Variants in GALNT13 observed in about 807,000 individuals in gnomAD.
GALNT13 encodes polypeptide N-acetylgalactosaminyltransferase 13.
In GALNT13, 28 loss-of-function variants were observed where a neutral mutation model predicts 64.2. The ratio of observed to expected loss-of-function variants is 0.44; its 90% CI spans 0.32 to 0.60. The LOEUF (loss-of-function observed/expected upper bound fraction) is 0.60, where lower values mean the gene tolerates loss of function less well. Ranked by LOEUF, GALNT13 falls within the 20% of genes least tolerant of loss-of-function variation. The pLI, the probability that GALNT13 is intolerant of heterozygous loss-of-function variation, is 0.05. For missense variants in GALNT13, 577 were observed against 669.8 expected (o/e 0.86, Z 1.53); for synonymous variants, 214 against 224.6 (o/e 0.95, Z 0.42).
At chr2:154,139,149 T>A (rs1201343913) in intron 3 of GALNT13, among the ~76,000 whole-genome samples, 3 of 152,074 alleles carry the variant, frequency 2.0e-5, no homozygotes, top group Non-Finnish European at 4.4e-5. Context: ...CATTACAAAG[T>A]CATCAACTGG....
intron 3 of GALNT13, among the ~76,000 whole-genome samples, chr2:154,125,774 AT>A (rs1682225849): frequency 6.6e-6 from 1 of 152,224 alleles, no homozygotes; most frequent in Admixed American, 6.5e-5. Flanking sequence ...TCACTAAAAG[AT>A]GACCAGTAAG....
the GALNT13 span, among the ~76,000 whole-genome samples, chr2:153,738,159 G>A: frequency 1.3e-5 from 2 of 151,570 alleles, no homozygotes; most frequent in Non-Finnish European, 2.9e-5. Flanking sequence ...TAAACTCCTT[G>A]CTTTTAATAC....
At chr2:154,088,034 A>C (rs1318939406) in intron 3 of GALNT13, among the ~76,000 whole-genome samples, 2 of 152,096 alleles carry the variant, frequency 1.3e-5, no homozygotes, top group African/African-American at 4.8e-5. Flanking sequence ...TTTGTGAATG[A>C]AGTAGATACT....
At chr2:153,326,989 C>T in the GALNT13 span, among the ~76,000 whole-genome samples, 2 of 151,978 alleles carry the variant, frequency 1.3e-5, no homozygotes, top group Admixed American at 1.3e-4. Context: ...GAGGCTGAGG[C>T]AGGAGAATCG....
the GALNT13 span, among the ~76,000 whole-genome samples, chr2:153,535,135 G>A: frequency 1.3e-5 from 2 of 152,042 alleles, no homozygotes; most frequent in Non-Finnish European, 2.9e-5. Flanking sequence ...GGGAGGTCTT[G>A]TGGTAAGGGG....
chr2:153,670,897 G>A, the GALNT13 span, among the ~76,000 whole-genome samples: 4 of 152,238 alleles, frequency 2.6e-5, no homozygotes, highest in South Asian at 2.1e-4. Context: ...CGAGAAATTC[G>A]TGAAGCATAC....
chr2:153,535,779 T>C, the GALNT13 span, among the ~76,000 whole-genome samples: 2 of 152,164 alleles, frequency 1.3e-5, no homozygotes, highest in African/African-American at 4.8e-5. Flanking sequence ...CCATAAGGCA[T>C]ATAAAGGTTT....
intron 3 of GALNT13, among the ~76,000 whole-genome samples, chr2:153,985,630 T>G (rs372347777): frequency 6.6e-6 from 1 of 152,038 alleles, no homozygotes; most frequent in African/African-American, 2.4e-5. Flanking sequence ...AAACACATTA[T>G]GACAGTTTTA....
chr2:153,393,733 T>A, the GALNT13 span, among the ~76,000 whole-genome samples: 3 of 152,010 alleles, frequency 2.0e-5, no homozygotes, highest in Non-Finnish European at 4.4e-5. Flanking sequence ...GTGGGCCTTA[T>A]CTAATCAGTT....
the GALNT13 span, among the ~76,000 whole-genome samples, chr2:153,710,928 A>T: frequency 1.3e-5 from 2 of 152,060 alleles, no homozygotes; most frequent in African/African-American, 4.8e-5. Context: ...CCTTCAGTAC[A>T]TTTTTTATTA....
At chr2:153,116,090 T>G in the GALNT13 span, among the ~76,000 whole-genome samples, 1 of 152,172 alleles carries the variant, frequency 6.6e-6, no homozygotes, top group Non-Finnish European at 1.5e-5. Context: ...AATGTTACAT[T>G]ATATATAAAG....
chr2:154,294,474 G>A (rs531741232), intron 8 of GALNT13, among the ~76,000 whole-genome samples: 11 of 152,254 alleles, frequency 7.2e-5, no homozygotes, highest in African/African-American at 1.7e-4. Flanking sequence ...CTGTGTGCAC[G>A]TTCAGGATGT....
the GALNT13 span, among the ~76,000 whole-genome samples, chr2:153,602,277 G>A: frequency 6.6e-5 from 10 of 151,814 alleles, no homozygotes; most frequent in African/African-American, 2.4e-4. Flanking sequence ...CACTAAGTTT[G>A]TAGTGAGCAA....
the GALNT13 span, among the ~76,000 whole-genome samples, chr2:153,450,346 A>T: frequency 6.6e-6 from 1 of 152,110 alleles, no homozygotes; most frequent in East Asian, 1.9e-4. Context: ...CATCTTACTC[A>T]ACAAGTTAGT....
chr2:153,298,238 A>G, the GALNT13 span, among the ~76,000 whole-genome samples: 3 of 152,114 alleles, frequency 2.0e-5, no homozygotes, highest in Non-Finnish European at 4.4e-5. Flanking sequence ...GTGGAACATG[A>G]GTTGAAAGTG....
chr2:153,637,399 T>C, the GALNT13 span, among the ~76,000 whole-genome samples: 1 of 152,168 alleles, frequency 6.6e-6, no homozygotes, highest in African/African-American at 2.4e-5. Flanking sequence ...CAATTTTGGC[T>C]TCCTTTTCCT....
At chr2:154,226,124 G>C (rs1406099330) in intron 4 of GALNT13, among the ~76,000 whole-genome samples, 3 of 152,072 alleles carry the variant, frequency 2.0e-5, no homozygotes, top group African/African-American at 7.2e-5. Flanking sequence ...GGGGGAGAAT[G>C]AATGAACAGA....
chr2:153,304,948 G>T, the GALNT13 span, among the ~76,000 whole-genome samples: 1 of 152,136 alleles, frequency 6.6e-6, no homozygotes, highest in Non-Finnish European at 1.5e-5. Flanking sequence ...GAGGGTTAAG[G>T]GGTGGGTATA....
At chr2:154,018,457 G>A (rs774917410) in intron 3 of GALNT13, among the ~76,000 whole-genome samples, 2 of 152,110 alleles carry the variant, frequency 1.3e-5, no homozygotes, top group Non-Finnish European at 2.9e-5. Context: ...CTTGAATTAA[G>A]TTATTGTAAA....
Sources: allele counts gnomAD v4.1 joint callset (sites outside exome capture counted in the v4.1 genomes callset), GRCh38; gene constraint gnomAD v4.1.1; transcripts MANE v1.5; gene names NCBI Gene and HGNC (gene_info 2026-07-23, HGNC 2026-07-21).